Variants in NID1 observed in about 807,000 individuals in gnomAD.
The protein encoded by NID1 is nidogen 1.
Under a neutral mutation model 130.6 loss-of-function variants are expected in NID1, and 76 were observed. That is an observed-to-expected ratio of 0.58 (90% CI 0.48 to 0.70). The LOEUF (loss-of-function observed/expected upper bound fraction) is 0.70. NID1 is among the 30% of genes least tolerant of loss of function. NID1 has a pLI of 0.00. For missense variants in NID1, 1,517 were observed against 1,664.8 expected (o/e 0.91, Z 1.54); for synonymous variants, 665 against 675.1 (o/e 0.98, Z 0.23).
chr1:235,982,515 A>G (rs1657465818), intron 15 of NID1, among the ~76,000 whole-genome samples: 1 of 152,180 alleles, frequency 6.6e-6, no homozygotes, highest in Non-Finnish European at 1.5e-5. Context: ...TCATACAAGT[A>G]TAAGGGGTAC....
At chr1:236,043,060 C>T (rs757279315) in intron 3 of NID1, among the ~76,000 whole-genome samples, 21 of 152,154 alleles carry the variant, frequency 1.4e-4, no homozygotes, top group Non-Finnish European at 2.6e-4. Flanking sequence ...CATCAAGGTG[C>T]GGGAAGGCTG....
At chr1:236,012,147 T>A in intron 11 of NID1, 104 bp from the exon 12 acceptor site, 1 of 1,404,152 alleles carries the variant, frequency 7.1e-7, no homozygotes, top group Non-Finnish European at 9.8e-7. Flanking sequence ...AACCTGCTTC[T>A]GATCTGGGAA....
intron 12 of NID1, among the ~76,000 whole-genome samples, chr1:236,002,472 C>A (rs1350708693): frequency 6.6e-6 from 1 of 152,100 alleles, no homozygotes; most frequent in African/African-American, 2.4e-5. Context: ...CACTGCACTC[C>A]AGTCTGAGCA....
chr1:236,030,624 C>T (rs1253484818), intron 6 of NID1, among the ~76,000 whole-genome samples: 4 of 152,126 alleles, frequency 2.6e-5, no homozygotes, highest in East Asian at 1.9e-4. Flanking sequence ...AGAGTTGAGC[C>T]GTCGCAACAG....
At chr1:235,993,990 C>T (rs990217474) in intron 12 of NID1, 118 bp from the exon 13 acceptor site, 11 of 811,564 alleles carry the variant, frequency 1.4e-5, no homozygotes, top group Middle Eastern at 4.7e-4. Flanking sequence ...CTGTGTGTCA[C>T]TGGGTTTTGT....
In NID1 at chr1:236,032,531, G is replaced by C. The variant is rs1659128696; in HGVS notation, c.1407C>G (p.Ser469=). The C allele has an allele frequency of 6.2e-7, 1 of 1,614,070 alleles. No homozygotes were observed. Among genetic ancestry groups the C allele is most frequent in the African/African-American group, 1.3e-5 (1 of 74,922 alleles). Residue 469 remains serine, a synonymous_variant, in exon 6 of 20, where the codon TCC becomes TCG. Coordinates refer to ENST00000264187, the MANE Select transcript of NID1 (RefSeq NM_002508.3). ...CGGGAATGGTGCTGATGGCTGTGTAGGAGCGCCCGTGGTTCATTACTACGT... is the reference window on the plus strand; with the variant it reads ...CGGGAATGGTGCTGATGGCTGTGTACGAGCGCCCGTGGTTCATTACTACGT... ...HSYVVMNHGR[S]YTAISTIPET...
chr1:236,050,116 T>G (rs1234934373), intron 1 of NID1, among the ~76,000 whole-genome samples: 1 of 151,930 alleles, frequency 6.6e-6, no homozygotes, highest in East Asian at 1.9e-4. Flanking sequence ...AATTCATCAA[T>G]GTGTCCAAAG....
At chr1:236,021,934 C>T (rs575990280) in intron 9 of NID1, among the ~76,000 whole-genome samples, 16 of 152,202 alleles carry the variant, frequency 1.1e-4, no homozygotes, top group Admixed American at 2.6e-4. Flanking sequence ...TGGAGTAATA[C>T]GATGCTTGAG....
intron 12 of NID1, among the ~76,000 whole-genome samples, chr1:236,000,020 C>A (rs1204781308): frequency 6.6e-6 from 1 of 152,010 alleles, no homozygotes; most frequent in Non-Finnish European, 1.5e-5. Context: ...TTGAGACCAG[C>A]CTGGCCAATG....
At chr1:236,046,188 A>T (rs2102843625) in intron 2 of NID1, among the ~76,000 whole-genome samples, 1 of 152,330 alleles carries the variant, frequency 6.6e-6, no homozygotes, top group South Asian at 2.1e-4. Flanking sequence ...TGGGCGTGAT[A>T]CTTGAGTTCC....
chr1:236,019,455 T>G (rs1285154622), intron 9 of NID1, among the ~76,000 whole-genome samples: 4 of 152,198 alleles, frequency 2.6e-5, no homozygotes, highest in Non-Finnish European at 5.9e-5. Context: ...CTTCAAGCTC[T>G]GTTCCTCCCT....
Position 236,013,523 on chromosome 1 carries a change from A to G in NID1, c.2292T>C (p.Thr764=). The G allele has an allele frequency of 6.2e-7, 1 of 1,614,156 alleles. No homozygotes were observed. Among genetic ancestry groups the G allele is most frequent in the Non-Finnish European group, 8.5e-7 (1 of 1,180,030 alleles). ...VDQRPINYCE[T]GLHNCDIPQR... ...GGGGTATGTCGCAGTTATGAAGGCC[A>G]GTTTCACAGTAGTTGATGGGGCGCT... The change falls in exon 11 of 20, where the codon ACT becomes ACC. Residue 764 remains threonine (T), a synonymous_variant. Coordinates refer to ENST00000264187, the MANE Select transcript of NID1 (RefSeq NM_002508.3).
chr1:235,998,742 G>A (rs575576249), intron 12 of NID1, among the ~76,000 whole-genome samples: 4 of 152,150 alleles, frequency 2.6e-5, no homozygotes, highest in Non-Finnish European at 4.4e-5. Flanking sequence ...AAAATTTTAC[G>A]TTGGCATAGG....
At chr1:235,993,601 G>A in intron 13 of NID1, 44 bp downstream of exon 13, 1 of 1,450,784 alleles carries the variant, frequency 6.9e-7, no homozygotes. Flanking sequence ...GTCCCCCGAG[G>A]TCCTTCTCAG....
At chr1:235,996,621 T>G (rs1705256990) in intron 12 of NID1, among the ~76,000 whole-genome samples, 1 of 152,084 alleles carries the variant, frequency 6.6e-6, no homozygotes, top group African/African-American at 2.4e-5. Context: ...TTTTGCATTT[T>G]TAGTAGAGGT....
intron 12 of NID1, among the ~76,000 whole-genome samples, chr1:235,997,256 C>CT: frequency 6.6e-6 from 1 of 152,306 alleles, no homozygotes; most frequent in Non-Finnish European, 1.5e-5. Context: ...CATGAGGTCT[C>CT]TGTTACGACT....
At chr1:235,987,706 G>A (rs779908376) in intron 14 of NID1, among the ~76,000 whole-genome samples, 2 of 152,166 alleles carry the variant, frequency 1.3e-5, no homozygotes, top group African/African-American at 2.4e-5. Context: ...GTTCTTGGTC[G>A]TGGACACAGT....
chr1:236,003,847 G>A (rs1658157918), intron 12 of NID1, among the ~76,000 whole-genome samples: 1 of 151,322 alleles, frequency 6.6e-6, no homozygotes, highest in Non-Finnish European at 1.5e-5. Flanking sequence ...TCCAGCCTGG[G>A]CAACAGAGTG....
At chr1:236,019,826 G>C (rs1298070699) in intron 9 of NID1, among the ~76,000 whole-genome samples, 1 of 152,124 alleles carries the variant, frequency 6.6e-6, no homozygotes, top group Non-Finnish European at 1.5e-5. Flanking sequence ...CAGATCACCT[G>C]AGGTTAGGAG....
Sources: allele counts gnomAD v4.1 joint callset (sites outside exome capture counted in the v4.1 genomes callset), GRCh38; gene constraint gnomAD v4.1.1; transcripts MANE v1.5; gene names NCBI Gene and HGNC (gene_info 2026-07-23, HGNC 2026-07-21).